The following SNTB2 variants were observed in gnomAD, a reference collection of about 807,000 sequenced individuals.
SNTB2 encodes the protein beta-2-syntrophin.
Under a neutral mutation model 46.2 loss-of-function variants are expected in SNTB2, and 34 were observed. The observed-to-expected ratio is 0.74, with a 90% CI of 0.56 to 0.98. The LOEUF (loss-of-function observed/expected upper bound fraction) is 0.98, where lower values mean the gene tolerates loss of function less well. Among genes scored for constraint, SNTB2 ranks in the 50% least tolerant of loss-of-function variants. SNTB2 has a pLI of 0.00. For synonymous variants in SNTB2, 290 were observed against 312.6 expected, an observed-to-expected ratio of 0.93 and a Z score of 0.76; for missense variants, 603 against 731.4, an observed-to-expected ratio of 0.82 and a Z score of 2.02.
At position 69,307,714 on chromosome 16, in the gene SNTB2, G is replaced by A. The variant is rs1965326344; in HGVS notation, c.*6790G>A. 1 of 150,992 alleles carries A rather than the reference G, an allele frequency of 6.6e-6. No individual in the cohort carries two copies. The highest frequency in any genetic ancestry group is 2.1e-4 in the South Asian group (1 of 4,806). 9.4% of individuals were successfully genotyped at this position (150,992 alleles called of 1,614,324 possible). A position where few individuals can be genotyped will look rare whatever the true frequency, so the allele number is the denominator to read the frequency against. On this transcript the variant is annotated 3_prime_UTR_variant, in exon 7 of 7. Transcript: ENST00000336278. ...TAAAAATTAACAAAATCAGGCCAAGGCAGGAGGATCACTTTAGCCCAGGAG... is the reference window on the plus strand; with the variant it reads ...TAAAAATTAACAAAATCAGGCCAAGACAGGAGGATCACTTTAGCCCAGGAG...
In SNTB2 at chr16:69,270,043, A is replaced by G. The variant is rs538447734; in HGVS notation, c.1006-100A>G. ...AATGTAAAGTCCATCAGGTTGGGAA[A>G]ACAAAATGGAGACCCATTGTGTTAG... On this transcript the variant is annotated intron_variant, in intron 3 of 6. Transcript: ENST00000336278. 2.8e-6 allele frequency: 4 copies of G among 1,412,444 alleles called. No homozygotes were observed. The East Asian group carries it at 9.1e-5, about 32-fold the overall frequency. The allele number at this position is 1,412,444 out of a possible 1,614,324, so 87.5% of individuals were successfully genotyped here.
At chr16:69,242,706 G>A (rs1420333508) in intron 1 of SNTB2, among the ~76,000 whole-genome samples, 1 of 152,104 alleles carries the variant, frequency 6.6e-6, no homozygotes, top group East Asian at 1.9e-4. Context: ...GTGGGAGGAA[G>A]CCCACCTTCA....
At chr16:69,255,405 CA>C (rs571979322) in intron 2 of SNTB2, among the ~76,000 whole-genome samples, 166 of 151,950 alleles carry the variant, frequency 1.1e-3, no homozygotes, top group Non-Finnish European at 2.0e-3. Context: ...ACTAAAAATA[CA>C]AAAAATTAGC....
chr16:69,260,842 T>G (rs1490297818), intron 3 of SNTB2, among the ~76,000 whole-genome samples: 1 of 152,120 alleles, frequency 6.6e-6, no homozygotes, highest in Non-Finnish European at 1.5e-5. Context: ...TACAAAATAC[T>G]TTACAATTAG....
rs180786385 is a variant in SNTB2 at position 69,266,969 on chromosome 16, A to G, written c.1006-3174A>G. Among the ~76,000 whole-genome samples, 257 of 151,798 alleles carry G rather than the reference A, an allele frequency of 1.7e-3. 1 individual carries two copies. The highest frequency in any genetic ancestry group is 5.7e-4 in the Non-Finnish European group (39 of 67,984). On this transcript the variant is annotated intron_variant, in intron 3 of 6. Transcript: ENST00000336278. ...CACTTGGGCCTCCCAAAGTGTCAAG[A>G]TTATAAGTGTGAGCCACCACACCCA...
At chr16:69,259,583 G>A (rs922763845) in intron 2 of SNTB2, among the ~76,000 whole-genome samples, 1 of 149,336 alleles carries the variant, frequency 6.7e-6, no homozygotes, top group Non-Finnish European at 1.5e-5. Flanking sequence ...CTGGACTCTA[G>A]GGAATTAAGA....
rs753311934 is a variant in SNTB2 at position 69,245,629 on chromosome 16, A to G, written c.608A>G (p.Tyr203Cys). ...EVKFIREVTP[Y>C]IKKPSLVSDL... is the part of the protein sequence containing the mutation. ...AAGTTCATCCGAGAAGTAACACCATATATCAAGAAGCCATCATTAGTATCA... is the reference window on the plus strand; with the variant it reads ...AAGTTCATCCGAGAAGTAACACCATGTATCAAGAAGCCATCATTAGTATCA... The change falls in exon 2 of 7, where the codon TAT becomes TGT. Residue 203 changes from tyrosine (Y) to cysteine (C), a missense_variant. This residue lies in a region of SNTB2 where 537 missense variants were observed against 692.4 expected (regional missense o/e 0.78). Transcript: ENST00000336278. 3.1e-6 allele frequency: 5 copies of G among 1,614,042 alleles called. No homozygotes were observed. The East Asian group carries it at 8.9e-5, about 29-fold the overall frequency.
intron 4 of SNTB2, 111 bp from the exon 5 acceptor site, chr16:69,283,937 C>A: frequency 9.9e-7 from 1 of 1,009,942 alleles, no homozygotes; most frequent in Non-Finnish European, 1.5e-6. Flanking sequence ...TGTCTATATC[C>A]AAAAACTGCT....
chr16:69,210,819 C>T (rs549709609), intron 1 of SNTB2, among the ~76,000 whole-genome samples: 8 of 152,170 alleles, frequency 5.3e-5, no homozygotes, highest in South Asian at 2.1e-4. Flanking sequence ...ATGGGGAAAC[C>T]TCATCCCTAC....
chr16:69,236,229 A>G (rs75351741), intron 1 of SNTB2, among the ~76,000 whole-genome samples: 23 of 152,260 alleles, frequency 1.5e-4, no homozygotes, highest in African/African-American at 5.3e-4. Flanking sequence ...TATACACAAG[A>G]CTTTAGACTA....
chr16:69,213,158 A>G (rs1237960127), intron 1 of SNTB2, among the ~76,000 whole-genome samples: 1 of 152,142 alleles, frequency 6.6e-6, no homozygotes, highest in African/African-American at 2.4e-5. Flanking sequence ...CCATTTTATA[A>G]GGTTATTGTG....
At chr16:69,277,445 T>C in intron 4 of SNTB2, among the ~76,000 whole-genome samples, 1 of 152,206 alleles carries the variant, frequency 6.6e-6, no homozygotes, top group Non-Finnish European at 1.5e-5. Flanking sequence ...AAATTATGCA[T>C]GCATAAAAAA....
chr16:69,273,899 A>C (rs1597195559), intron 4 of SNTB2, among the ~76,000 whole-genome samples: 1 of 152,292 alleles, frequency 6.6e-6, no homozygotes, highest in East Asian at 1.9e-4. Flanking sequence ...TAAATGAGTT[A>C]ATACTAATAA....
intron 4 of SNTB2, among the ~76,000 whole-genome samples, chr16:69,278,447 T>C (rs956248020): frequency 1.2e-4 from 18 of 151,890 alleles, no homozygotes; most frequent in Non-Finnish European, 2.2e-4. Context: ...ACTTCACTTT[T>C]TTTTGTAGGG....
chr16:69,308,883 A>C lies in SNTB2; in HGVS notation c.*7959A>C, dbSNP rs183945901. On this transcript the variant is annotated 3_prime_UTR_variant, in exon 7 of 7. Coordinates refer to ENST00000336278, the MANE Select transcript of SNTB2 (RefSeq NM_006750.4). ...TGTGTTCCTAATTTTAAAAAGCTTT[A>C]TGTATACTCTATAAATATAGATGCA... The C allele has an allele frequency of 6.6e-6, 1 of 152,558 alleles. No homozygotes were observed. Among genetic ancestry groups the C allele is most frequent in the Admixed American group, 6.5e-5 (1 of 15,272 alleles). 9.5% of individuals were successfully genotyped at this position (152,558 alleles called of 1,614,324 possible). A position where few individuals can be genotyped will look rare whatever the true frequency, so the allele number is the denominator to read the frequency against.
At chr16:69,299,795 CAT>C in intron 6 of SNTB2, 21 bp downstream of exon 6, 2 of 1,607,446 alleles carry the variant, frequency 1.2e-6, no homozygotes, top group Non-Finnish European at 1.7e-6. Flanking sequence ...TTCTGAAACA[CAT>C]GTTTATCTAA....
intron 1 of SNTB2, among the ~76,000 whole-genome samples, chr16:69,195,313 C>T (rs942177883): frequency 3.3e-5 from 5 of 151,834 alleles, no homozygotes; most frequent in Non-Finnish European, 5.9e-5. Context: ...CTCTGTTGCC[C>T]AGGTTGGAGT....
intron 1 of SNTB2, among the ~76,000 whole-genome samples, chr16:69,203,224 G>A (rs1964181891): frequency 6.6e-6 from 1 of 151,788 alleles, no homozygotes; most frequent in African/African-American, 2.4e-5. Context: ...TGCCGTGTTG[G>A]CTAGGCTGGT....
intron 5 of SNTB2, among the ~76,000 whole-genome samples, chr16:69,288,367 C>G (rs890506260): frequency 6.6e-6 from 1 of 152,112 alleles, no homozygotes. Flanking sequence ...CAGCTGGTTC[C>G]TTGTATTTTT....
Sources: gnomAD v4.1 joint callset for allele counts (sites outside exome capture counted in the v4.1 genomes callset) on GRCh38, gnomAD v4.1.1 for gene constraint, gnomAD v4.1.1 regional missense constraint, MANE v1.5 for transcripts, NCBI Gene and HGNC (gene_info 2026-07-23, HGNC 2026-07-21) for gene names.